The following RP1 variants were observed in gnomAD, a reference collection of about 807,000 sequenced individuals.
The protein encoded by RP1 is RP1 axonemal microtubule associated, also known as oxygen-regulated protein 1.
RP1 carries 16 observed loss-of-function variants against 14.8 expected under a neutral mutation model. The ratio of observed to expected loss-of-function variants is 1.08; its 90% CI spans 0.73 to 1.65. The LOEUF is 1.65. RP1 is among the 40% of genes most tolerant of loss of function. The pLI is 0.00. For synonymous variants in RP1, 876 were observed against 883.6 expected (o/e 0.99, Z 0.15); for missense variants, 2,631 against 2,535.0 (o/e 1.04, Z -0.81).
intron 3 of RP1, among the ~76,000 whole-genome samples, chr8:54,639,054 A>G (rs200169384): frequency 1.3e-5 from 2 of 152,156 alleles, no homozygotes; most frequent in East Asian, 3.8e-4. Context: ...CCATCACTCA[A>G]AAAAGGACTT....
chr8:54,578,448 T>A (rs184819558), intron 1 of RP1, among the ~76,000 whole-genome samples: 1 of 151,990 alleles, frequency 6.6e-6, no homozygotes, highest in South Asian at 2.1e-4. Context: ...CCTCAAGTGA[T>A]CCTCCCTCCT....
chr8:54,707,899 G>A (rs528020142), intron 15 of RP1, among the ~76,000 whole-genome samples: 9 of 152,208 alleles, frequency 5.9e-5, no homozygotes, highest in Non-Finnish European at 1.3e-4. Flanking sequence ...AGGAAGCCAA[G>A]CTTAAGAGAC....
At chr8:54,715,083 C>T (rs758946531) in intron 15 of RP1, among the ~76,000 whole-genome samples, 15 of 152,224 alleles carry the variant, frequency 9.9e-5, no homozygotes, top group Middle Eastern at 3.2e-3. Flanking sequence ...CAAGAACTGA[C>T]GTTTTGGTAA....
intron 7 of RP1, among the ~76,000 whole-genome samples, chr8:54,672,073 C>G (rs536801694): frequency 1.3e-3 from 199 of 152,256 alleles, no homozygotes; most frequent in African/African-American, 4.6e-3. Context: ...TTTTAAGTAT[C>G]TTAATTTCCT....
At chr8:54,601,498 A>C (rs1805287552) in intron 1 of RP1, among the ~76,000 whole-genome samples, 1 of 151,686 alleles carries the variant, frequency 6.6e-6, no homozygotes, top group Non-Finnish European at 1.5e-5. Flanking sequence ...GGTGCAGCGC[A>C]CCAGCATGTC....
exon 15 of RP1, chr8:54,706,496 C>T: frequency 2.0e-6 from 3 of 1,535,838 alleles, no homozygotes; most frequent in Admixed American, 2.0e-5. Flanking sequence ...TGTGTCAGGC[C>T]CTGTGTCTCC....
intron 12 of RP1, among the ~76,000 whole-genome samples, chr8:54,693,300 G>A (rs1323703038): frequency 6.6e-6 from 1 of 152,066 alleles, no homozygotes; most frequent in African/African-American, 2.4e-5. Flanking sequence ...TGGTGATGCG[G>A]GCTCTTTTTT....
intron 16 of RP1, among the ~76,000 whole-genome samples, chr8:54,722,163 C>G (rs1808550460): frequency 6.7e-6 from 1 of 148,346 alleles, no homozygotes; most frequent in African/African-American, 2.5e-5. Context: ...ACCTGTGAGG[C>G]GGAGGGTGCA....
At chr8:54,684,002 T>G (rs1228888224) in intron 12 of RP1, among the ~76,000 whole-genome samples, 6 of 151,504 alleles carry the variant, frequency 4.0e-5, no homozygotes, top group Non-Finnish European at 8.9e-5. Flanking sequence ...AGAGTTTTTT[T>G]TTTTTTTTTT....
chr8:54,723,577 G>T (rs1808583000), intron 16 of RP1, among the ~76,000 whole-genome samples: 1 of 152,158 alleles, frequency 6.6e-6, no homozygotes, highest in African/African-American at 2.4e-5. Flanking sequence ...AGTGTGAAAA[G>T]ATCTGACCCC....
chr8:54,694,924 T>C (rs942903260), intron 12 of RP1, among the ~76,000 whole-genome samples: 7 of 152,338 alleles, frequency 4.6e-5, no homozygotes, highest in Non-Finnish European at 7.3e-5. Context: ...GATGTCAATT[T>C]TGGATCTTTC....
upstream of RP1, among the ~76,000 whole-genome samples, chr8:54,613,697 G>T (rs7002210): frequency 0.073 from 11,032 of 152,128 alleles, 1,263 homozygotes; most frequent in African/African-American, 0.24. Context: ...AACTGAGTGT[G>T]GAAGGAAGGG....
At chr8:54,811,012 A>G (rs1810981006) in intron 24 of RP1, among the ~76,000 whole-genome samples, 1 of 152,232 alleles carries the variant, frequency 6.6e-6, no homozygotes, top group Non-Finnish European at 1.5e-5. Context: ...TTTCATATAG[A>G]GAATTAAGAG....
intron 18 of RP1, among the ~76,000 whole-genome samples, chr8:54,736,321 T>C (rs1808919121): frequency 1.3e-5 from 2 of 152,182 alleles, no homozygotes; most frequent in Admixed American, 6.5e-5. Context: ...CCTATTGACA[T>C]ACGGTAAAAC....
At chr8:54,690,873 GTT>G (rs992345874) in intron 12 of RP1, among the ~76,000 whole-genome samples, 2 of 152,134 alleles carry the variant, frequency 1.3e-5, no homozygotes, top group African/African-American at 4.8e-5. Flanking sequence ...TGTAAAACAA[GTT>G]TTAAACATTT....
intron 28 of RP1, among the ~76,000 whole-genome samples, chr8:54,868,959 T>C (rs1393272786): frequency 3.3e-5 from 5 of 152,160 alleles, no homozygotes; most frequent in African/African-American, 9.7e-5. Context: ...GTTGTATTGC[T>C]GTAGAGAAAA....
chr8:54,578,327 C>T (rs1435941908), intron 1 of RP1, among the ~76,000 whole-genome samples: 1 of 152,132 alleles, frequency 6.6e-6, no homozygotes, highest in Non-Finnish European at 1.5e-5. Flanking sequence ...TTGTCTCAGC[C>T]TCCTGAATAT....
chr8:54,864,054 G>A (rs1812407879), intron 27 of RP1, among the ~76,000 whole-genome samples: 1 of 152,166 alleles, frequency 6.6e-6, no homozygotes, highest in African/African-American at 2.4e-5. Flanking sequence ...TGGCAATGCT[G>A]GAAGTGAAGT....
At position 54,621,346 on chromosome 8, in the gene RP1, G is replaced by A; in HGVS notation, c.380G>A (p.Trp127Ter). ...LDKARRRPRPWLSSRAISAHS... is the reference protein window; with the variant it reads ...LDKARRRPRP ...AAAGCCCGTCGGCGCCCGCGGCCCTGGCTCAGCAGCCGGGCCATTAGCGCG... is the reference window on the plus strand; with the variant it reads ...AAAGCCCGTCGGCGCCCGCGGCCCTAGCTCAGCAGCCGGGCCATTAGCGCG... Residue 127 changes from tryptophan to a stop codon, truncating the protein, a stop_gained, in exon 2 of 4, where the codon TGG (tryptophan) becomes TAG (stop). Coordinates refer to ENST00000220676, the MANE Select transcript of RP1 (RefSeq NM_006269.2). LOFTEE classifies it high-confidence loss of function. 2.5e-6 allele frequency: 4 copies of A among 1,611,752 alleles called. No individual in the cohort carries two copies. Among genetic ancestry groups the A allele is most frequent in the East Asian group, 2.2e-5 (1 of 44,818 alleles).
Sources: allele counts gnomAD v4.1 joint callset (sites outside exome capture counted in the v4.1 genomes callset), GRCh38; gene constraint gnomAD v4.1.1; transcripts MANE v1.5; gene names NCBI Gene and HGNC (gene_info 2026-07-23, HGNC 2026-07-21).